Variants in PCDH15 observed in about 807,000 individuals in gnomAD.
PCDH15 encodes protocadherin-15.
Under a neutral mutation model 178.5 loss-of-function variants are expected in PCDH15, and 129 were observed. The ratio of observed to expected loss-of-function variants is 0.72; its 90% CI spans 0.63 to 0.84. PCDH15 has a LOEUF of 0.84. Among genes scored for constraint, PCDH15 ranks in the 40% least tolerant of loss-of-function variants. The probability of loss-of-function intolerance (pLI) is 0.00; values close to 1 mark genes in which losing one functional copy is unlikely to be tolerated. For missense variants in PCDH15, 2,230 were observed against 2,099.9 expected (o/e 1.06, Z -1.21); for synonymous variants, 800 against 732.0 (o/e 1.09, Z -1.50).
chr10:54,826,286 G>A lies in PCDH15; in HGVS notation c.-29+71164C>T, dbSNP rs111808097. Among the ~76,000 whole-genome samples the A allele has an allele frequency of 3.7e-3, 561 of 151,950 alleles. 1 individual carries two copies. Among genetic ancestry groups the A allele is most frequent in the African/African-American group, 0.013 (539 of 41,474 alleles). On this transcript the variant is annotated intron_variant, in intron 3 of 5. Transcript: ENST00000458638. ...TCTGATATCTGGAAATTTTCAATCA[G>A]CTATATTGCTTTGTGGAAATTCTTC...
chr10:53,828,192 G>A (rs1045518167), intron 31 of PCDH15, among the ~76,000 whole-genome samples: 6 of 64,624 alleles, frequency 9.3e-5, no homozygotes, highest in African/African-American at 1.4e-4. Flanking sequence ...GCCAACAAGA[G>A]CAAAAAGTCC....
intron 26 of PCDH15, among the ~76,000 whole-genome samples, chr10:53,893,170 C>T (rs571367050): frequency 3.7e-4 from 56 of 151,522 alleles, no homozygotes; most frequent in Non-Finnish European, 7.1e-4. Context: ...AAAAATAGCC[C>T]AGTTGTTCAG....
chr10:54,510,976 G>C (rs1356283364), intron 3 of PCDH15, among the ~76,000 whole-genome samples: 1 of 152,100 alleles, frequency 6.6e-6, no homozygotes, highest in African/African-American at 2.4e-5. Flanking sequence ...TTGTGAGTTT[G>C]TATCCACTTT....
At chr10:54,529,727 G>A (rs538882053) in intron 2 of PCDH15, among the ~76,000 whole-genome samples, 12 of 152,014 alleles carry the variant, frequency 7.9e-5, no homozygotes, top group Non-Finnish European at 1.8e-4. Context: ...TTTGCACCTA[G>A]TGCGAATTAA....
intron 25 of PCDH15, among the ~76,000 whole-genome samples, chr10:53,922,334 C>T (rs749235836): frequency 9.9e-5 from 15 of 152,214 alleles, no homozygotes; most frequent in Non-Finnish European, 1.8e-4. Flanking sequence ...TAGAGTATTT[C>T]TTATGTTACA....
Position 55,283,116 on chromosome 10 carries a change from C to G in PCDH15, c.-156+36483G>C, listed in dbSNP as rs112854668. Among the ~76,000 whole-genome samples, 1,016 of 152,254 alleles carry G rather than the reference C, an allele frequency of 6.7e-3. 13 individuals carry two copies. The highest frequency in any genetic ancestry group is 0.023 in the African/African-American group (951 of 41,538). ...GGAGGCTGTAAGTTTCCAAACCTCCCTAAATTGCTCCTGGGAATAACATCA... is the reference window on the plus strand; with the variant it reads ...GGAGGCTGTAAGTTTCCAAACCTCCGTAAATTGCTCCTGGGAATAACATCA... On this transcript the variant is annotated intron_variant, in intron 1 of 5. Coordinates refer to the PCDH15 transcript ENST00000458638.
intron 2 of PCDH15, among the ~76,000 whole-genome samples, chr10:55,081,505 G>A (rs538712963): frequency 6.6e-6 from 1 of 152,274 alleles, no homozygotes; most frequent in Admixed American, 6.5e-5. Context: ...TACTCCCAAA[G>A]TGTATACATT....
intron 16 of PCDH15, among the ~76,000 whole-genome samples, chr10:54,080,334 C>A (rs919690476): frequency 1.3e-5 from 2 of 152,046 alleles, no homozygotes; most frequent in Admixed American, 1.3e-4. Flanking sequence ...ACTTTATTCA[C>A]CCATGTAATT....
intron 2 of PCDH15, among the ~76,000 whole-genome samples, chr10:54,971,217 G>A (rs1838921974): frequency 6.6e-6 from 1 of 152,084 alleles, no homozygotes; most frequent in African/African-American, 2.4e-5. Context: ...TAATTCCTAA[G>A]GCAATAGTTT....
intron 1 of PCDH15, among the ~76,000 whole-genome samples, chr10:55,247,392 A>G (rs55810644): frequency 0.11 from 16,596 of 152,162 alleles, 1,011 homozygotes; most frequent in East Asian, 0.29. Flanking sequence ...TTTATTTCCA[A>G]TTTTGAAAGA....
intron 1 of PCDH15, among the ~76,000 whole-genome samples, chr10:55,238,062 T>A (rs181247091): frequency 1.4e-3 from 213 of 152,064 alleles, no homozygotes; most frequent in Non-Finnish European, 1.9e-3. Context: ...TTAAAAATTA[T>A]ATACGTGATT....
intron 26 of PCDH15, among the ~76,000 whole-genome samples, chr10:53,901,459 C>T (rs564475293): frequency 4.1e-4 from 63 of 152,194 alleles, no homozygotes; most frequent in Non-Finnish European, 4.4e-4. Flanking sequence ...AGCCTATCAA[C>T]GTCGTTCAAG....
intron 2 of PCDH15, among the ~76,000 whole-genome samples, chr10:55,524,533 C>G (rs1427002839): frequency 1.3e-5 from 2 of 151,092 alleles, no homozygotes; most frequent in East Asian, 1.9e-4. Context: ...ATGTATTGCA[C>G]CTATTTCATT....
In PCDH15 at chr10:55,463,967, AAGAAAGAGAAAGAAAGAAAGAAAGAG is replaced by A. The variant is rs1565165716; in HGVS notation, c.-156+163632_-156+163657del. Reference sequence around the variant, plus strand: ...AAAGAAAGAAAGAAAGAAAGAAAGAAAGAAAGAGAAAGAAAGAAAGAAAGAGAAAGAAAGAAAGAAAGAAAGAAAGA... The same window carrying A: ...AAAGAAAGAAAGAAAGAAAGAAAGAAAAAGAAAGAAAGAAAGAAAGAAAGA... On this transcript the variant is annotated intron_variant, in intron 2 of 5. Coordinates refer to the PCDH15 transcript ENST00000613346. Among the ~76,000 whole-genome samples the A allele has an allele frequency of 1.0e-3, 49 of 47,198 alleles. 3 individuals are homozygous for A. Among genetic ancestry groups the A allele is most frequent in the African/African-American group, 7.7e-3 (49 of 6,368 alleles). 31.0% of individuals were successfully genotyped at this position (47,198 alleles called of 152,430 possible).
chr10:54,477,439 A>G (rs1589616485), intron 3 of PCDH15, among the ~76,000 whole-genome samples: 1 of 152,156 alleles, frequency 6.6e-6, no homozygotes, highest in African/African-American at 2.4e-5. Context: ...ATGATGTGCT[A>G]GAATTGCATC....
At chr10:54,086,298 T>C (rs1331468209) in intron 16 of PCDH15, among the ~76,000 whole-genome samples, 1 of 152,054 alleles carries the variant, frequency 6.6e-6, no homozygotes, top group African/African-American at 2.4e-5. Flanking sequence ...CAACCATTTG[T>C]TGTGGGAACT....
chr10:54,991,083 T>C (rs144315421), intron 2 of PCDH15, among the ~76,000 whole-genome samples: 1 of 152,318 alleles, frequency 6.6e-6, no homozygotes, highest in Non-Finnish European at 1.5e-5. Flanking sequence ...TTCATTTCGT[T>C]TGCATTTTAC....
rs1009378939 is a variant in PCDH15, at chr10:55,023,215, T to C, written c.-79-125715A>G. Among the ~76,000 whole-genome samples, 3 of 152,196 alleles carry C rather than the reference T, an allele frequency of 2.0e-5. No individual in the cohort carries two copies. The East Asian group carries it at 5.8e-4, about 29-fold the overall frequency. The stretch of plus-strand genomic sequence containing the variant: ...CCTCTGCCTCCCAAAGTGCTGGGAT[T>C]ACAGGCATGAGCCACCGCGCCCGGT... On this transcript the variant is annotated intron_variant, in intron 2 of 5. Coordinates refer to the PCDH15 transcript ENST00000458638.
intron 26 of PCDH15, among the ~76,000 whole-genome samples, chr10:53,877,637 A>G (rs909731765): frequency 6.6e-6 from 1 of 152,160 alleles, no homozygotes; most frequent in African/African-American, 2.4e-5. Flanking sequence ...CTTGGCTCCC[A>G]CCTTGCTGTC....
Sources: gnomAD v4.1 joint callset for allele counts (sites outside exome capture counted in the v4.1 genomes callset) on GRCh38, gnomAD v4.1.1 for gene constraint, MANE v1.5 for transcripts, NCBI Gene and HGNC (gene_info 2026-07-23, HGNC 2026-07-21) for gene names.